The following PI4K2B variants were observed in gnomAD, a reference collection of about 807,000 sequenced individuals.
PI4K2B encodes the protein phosphatidylinositol 4-kinase type 2-beta.
Under a neutral mutation model 56.6 loss-of-function variants are expected in PI4K2B, and 46 were observed. That is an observed-to-expected ratio of 0.81 (90% CI 0.64 to 1.04). PI4K2B has a LOEUF of 1.04. Among genes scored for constraint, PI4K2B ranks in the 50% least tolerant of loss-of-function variants. The pLI is 0.00. For synonymous variants in PI4K2B, 211 were observed against 223.8 expected (o/e 0.94, Z 0.51); for missense variants, 556 against 607.7 (o/e 0.91, Z 0.89).
intron 1 of PI4K2B, among the ~76,000 whole-genome samples, chr4:25,247,759 AG>A (rs1715853713): frequency 1.3e-5 from 2 of 152,072 alleles, no homozygotes; most frequent in Non-Finnish European, 2.9e-5. Flanking sequence ...GGCTGAGTGC[AG>A]TGGCATGATC....
In PI4K2B at chr4:25,256,676, T is replaced by C; in HGVS notation, c.756+2T>C. On this transcript the variant is annotated splice_donor_variant, in intron 4 of 9. Transcript: ENST00000264864. LOFTEE classifies it high-confidence loss of function. ...CATAGGATAGGACTCCCTCCTAAGGTAAGTTTCTCTGATAAGCTGTATTTA... is the reference window on the plus strand; with the variant it reads ...CATAGGATAGGACTCCCTCCTAAGGCAAGTTTCTCTGATAAGCTGTATTTA... 1 of 1,612,662 alleles carries C rather than the reference T, an allele frequency of 6.2e-7. No individual in the cohort carries two copies. Among genetic ancestry groups the C allele is most frequent in the Non-Finnish European group, 8.5e-7 (1 of 1,179,358 alleles).
chr4:25,267,938 T>C (rs1218422917), intron 7 of PI4K2B: 2 of 876,450 alleles, frequency 2.3e-6, no homozygotes, highest in African/African-American at 3.6e-5. Context: ...ATTCAATCTG[T>C]GCCCGGGTGC....
chr4:25,277,835 A>T lies in PI4K2B; in HGVS notation c.*648A>T, dbSNP rs536732405. ...AACCTAAGAAATTTCCCCTTTTTTT[A>T]AAAAATGGAAATATTCAATTGAGAC... On this transcript the variant is annotated 3_prime_UTR_variant, in exon 10 of 10. Transcript: ENST00000264864. 12 of 152,200 alleles carry T rather than the reference A, an allele frequency of 7.9e-5. No individual in the cohort carries two copies. Among genetic ancestry groups the T allele is most frequent in the Admixed American group, 6.5e-4 (10 of 15,276 alleles). 9.4% of individuals were successfully genotyped at this position (152,200 alleles called of 1,614,324 possible).
chr4:25,239,387 A>G (rs916541157), intron 1 of PI4K2B, among the ~76,000 whole-genome samples: 1 of 152,200 alleles, frequency 6.6e-6, no homozygotes, highest in Non-Finnish European at 1.5e-5. Context: ...GCCCTGCCCT[A>G]CGGGGAGGCA....
chr4:25,259,431 G>A (rs1480173837), intron 5 of PI4K2B, among the ~76,000 whole-genome samples: 1 of 152,118 alleles, frequency 6.6e-6, no homozygotes. Context: ...TTTCCTAGGG[G>A]CAGGGCAAAG....
chr4:25,272,104 C>T (rs1301541750), intron 9 of PI4K2B, among the ~76,000 whole-genome samples: 1 of 151,750 alleles, frequency 6.6e-6, no homozygotes, highest in African/African-American at 2.4e-5. Context: ...GAGATTGCGC[C>T]ACTGCACTCC....
Position 25,263,743 on chromosome 4 carries a change from T to G in PI4K2B, c.979-7T>G. ...TTTTATCAACATATCATTTTTCTAC[T>G]CTATAGGAATCAAAATGGATTGATG... On this transcript the variant is annotated splice_region_variant and splice_polypyrimidine_tract_variant and intron_variant, in intron 6 of 9. Transcript: ENST00000264864. 9.4e-7 allele frequency: 1 copy of G among 1,068,284 alleles called. No homozygotes were observed. Among genetic ancestry groups the G allele is most frequent in the Non-Finnish European group, 1.5e-6 (1 of 687,034 alleles). The allele number at this position is 1,068,284 out of a possible 1,614,324, so 66.2% of individuals were successfully genotyped here.
chr4:25,244,812 C>T lies in PI4K2B; in HGVS notation c.269-7509C>T, dbSNP rs528464404. The stretch of plus-strand genomic sequence containing the variant: ...CAGAAACAACCCCTGCCCAAGAACC[C>T]GCAACGGTCCCTGGACCCTGCTGAT... On this transcript the variant is annotated intron_variant, in intron 1 of 9. Transcript: ENST00000264864. 1.9e-3 allele frequency among the ~76,000 whole-genome samples: 295 copies of T among 152,256 alleles called. 4 individuals are homozygous for T. In the South Asian group the frequency reaches 0.021, roughly 11 times the overall value.
At chr4:25,266,689 G>A (rs1264894317) in intron 7 of PI4K2B, among the ~76,000 whole-genome samples, 1 of 152,154 alleles carries the variant, frequency 6.6e-6, no homozygotes, top group Non-Finnish European at 1.5e-5. Flanking sequence ...GGGGATTAAA[G>A]GTTGGAGCTT....
At chr4:25,246,222 T>G (rs313559) in intron 1 of PI4K2B, among the ~76,000 whole-genome samples, 1 of 151,760 alleles carries the variant, frequency 6.6e-6, no homozygotes, top group East Asian at 2.0e-4. Context: ...GGGACCTGAG[T>G]GGGTTGCCAC....
At chr4:25,253,451 C>T (rs1716138426) in intron 2 of PI4K2B, among the ~76,000 whole-genome samples, 1 of 152,132 alleles carries the variant, frequency 6.6e-6, no homozygotes, top group Non-Finnish European at 1.5e-5. Flanking sequence ...GATAGAAGTT[C>T]TATTTTTAAA....
chr4:25,266,863 A>G (rs1716679870), intron 7 of PI4K2B, among the ~76,000 whole-genome samples: 1 of 152,244 alleles, frequency 6.6e-6, no homozygotes, highest in South Asian at 2.1e-4. Flanking sequence ...CACAGAGAAC[A>G]AACACTATTG....
intron 1 of PI4K2B, among the ~76,000 whole-genome samples, chr4:25,236,846 T>C (rs1051825164): frequency 6.6e-5 from 10 of 152,222 alleles, no homozygotes; most frequent in African/African-American, 2.4e-4. Context: ...TTTAAAATAG[T>C]TTCTGTGAAA....
intron 1 of PI4K2B, among the ~76,000 whole-genome samples, chr4:25,235,080 G>C (rs550058215): frequency 6.6e-6 from 1 of 152,344 alleles, no homozygotes; most frequent in Admixed American, 6.5e-5. Context: ...CAGGGCAGTT[G>C]AAATGATGTT....
intron 9 of PI4K2B, among the ~76,000 whole-genome samples, chr4:25,274,857 G>A (rs1040584226): frequency 3.9e-5 from 6 of 152,004 alleles, no homozygotes; most frequent in African/African-American, 7.3e-5. Context: ...ATGCAGTGGC[G>A]CGATCTCAGC....
rs918037088 is a variant in PI4K2B at position 25,276,551 on chromosome 4, A to G, written c.1273-463A>G. On this transcript the variant is annotated intron_variant, in intron 9 of 9. Coordinates refer to ENST00000264864, the MANE Select transcript of PI4K2B (RefSeq NM_018323.4). The stretch of plus-strand genomic sequence containing the variant: ...GTTTGCTTGTTTTTTTAACTATTGT[A>G]TCCCTAGCACTTACAGCAGAACCTC... The G allele has an allele frequency of 1.9e-5, 12 of 619,822 alleles. No homozygotes were observed. The South Asian group carries it at 2.2e-4, about 11-fold the overall frequency. The allele number at this position is 619,822 out of a possible 1,614,324, so 38.4% of individuals were successfully genotyped here.
chr4:25,234,838 A>T (rs1378420258), intron 1 of PI4K2B, among the ~76,000 whole-genome samples: 1 of 152,240 alleles, frequency 6.6e-6, no homozygotes, highest in Non-Finnish European at 1.5e-5. Flanking sequence ...AGTGGATGAC[A>T]GGAGAGAGAT....
chr4:25,257,227 A>T (rs1484326932), intron 4 of PI4K2B, among the ~76,000 whole-genome samples: 1 of 150,552 alleles, frequency 6.6e-6, no homozygotes, highest in African/African-American at 2.5e-5. Flanking sequence ...CTGACTAATT[A>T]AAAAAAATTT....
In PI4K2B at chr4:25,268,550, T is replaced by C; in HGVS notation, c.1186T>C (p.Cys396Arg). The change falls in exon 8 of 10, where the codon TGT (cysteine) becomes CGT (arginine). Residue 396 changes from cysteine to arginine, a missense_variant. Physicochemically the swap from Cys to Arg is radical, Grantham distance 180. Coordinates refer to ENST00000264864, the MANE Select transcript of PI4K2B (RefSeq NM_018323.4). ...ISDMNFVQDL[C>R]EDLYELFKTD... is the part of the protein sequence containing the mutation. ...TGACATGAACTTTGTGCAAGATTTA[T>C]GTGAAGATCTCTATGAACTTTTTAA... 1 of 1,584,396 alleles carries C rather than the reference T, an allele frequency of 6.3e-7. No homozygotes were observed. Among genetic ancestry groups the C allele is most frequent in the Non-Finnish European group, 8.6e-7 (1 of 1,161,282 alleles).
Sources: gnomAD v4.1 joint callset for allele counts (sites outside exome capture counted in the v4.1 genomes callset) on GRCh38, gnomAD v4.1.1 for gene constraint, MANE v1.5 for transcripts, NCBI Gene and HGNC (gene_info 2026-07-23, HGNC 2026-07-21) for gene names.